CWH43: variants seen among roughly 807,000 people sequenced by gnomAD.
CWH43 encodes PGAP2-interacting protein.
In CWH43, 91 loss-of-function variants were observed where a neutral mutation model predicts 85.7. That is an observed-to-expected ratio of 1.06 (90% CI 0.90 to 1.26). The LOEUF (loss-of-function observed/expected upper bound fraction) is 1.26, where lower values mean the gene tolerates loss of function less well. CWH43 is among the 50% of genes most tolerant of loss of function. CWH43 has a pLI of 0.00. For missense variants in CWH43, 869 were observed against 839.2 expected (o/e 1.04, Z -0.44); for synonymous variants, 323 against 293.6 (o/e 1.10, Z -1.02).
chr4:49,008,489 AT>A (rs1212751889), intron 8 of CWH43, among the ~76,000 whole-genome samples: 18 of 152,028 alleles, frequency 1.2e-4, no homozygotes, highest in African/African-American at 4.3e-4. Context: ...ATTAGATCCC[AT>A]TTGTCAATTT....
chr4:49,040,599 T>C (rs1191185231), intron 13 of CWH43, among the ~76,000 whole-genome samples: 1 of 152,230 alleles, frequency 6.6e-6, no homozygotes, highest in Non-Finnish European at 1.5e-5. Flanking sequence ...TGTTTGTTTT[T>C]TTCTTGTAAA....
intron 14 of CWH43, among the ~76,000 whole-genome samples, chr4:49,047,749 T>A (rs1577708809): frequency 6.6e-6 from 1 of 152,156 alleles, no homozygotes; most frequent in Admixed American, 6.5e-5. Flanking sequence ...AGAGAACAGA[T>A]CTTGTAAGGA....
At chr4:49,058,888 A>G (rs1290667697) in intron 15 of CWH43, among the ~76,000 whole-genome samples, 1 of 152,154 alleles carries the variant, frequency 6.6e-6, no homozygotes, top group Non-Finnish European at 1.5e-5. Context: ...GTTGCCTGCA[A>G]AATTTTCTTT....
At chr4:49,040,284 T>C (rs1784416503) in intron 13 of CWH43, among the ~76,000 whole-genome samples, 1 of 152,196 alleles carries the variant, frequency 6.6e-6, no homozygotes, top group South Asian at 2.1e-4. Context: ...CTGGGTCAAA[T>C]GGTATTTCTA....
intron 13 of CWH43, among the ~76,000 whole-genome samples, chr4:49,040,875 A>T (rs1264916071): frequency 6.6e-6 from 1 of 152,186 alleles, no homozygotes; most frequent in Non-Finnish European, 1.5e-5. Context: ...TTATGGTTTT[A>T]GGTCTAACAT....
chr4:48,994,707 T>C lies in CWH43; in HGVS notation c.600T>C (p.Ala200=). The C allele has an allele frequency of 6.2e-7, 1 of 1,614,244 alleles. No homozygotes were observed. The highest frequency in any genetic ancestry group is 1.3e-5 in the African/African-American group (1 of 75,070). The change falls in exon 5 of 16, where the codon GCT becomes GCC. Residue 200 remains alanine (A), a synonymous_variant. Transcript: ENST00000226432. ...GACCCAACTGGCTGCTGGCAGGGGC[T>C]GCTTTTGGTAGCCTTGTGTTCCTCA... The part of the protein sequence containing the change: ...ASRPNWLLAG[A]AFGSLVFLTH...
At chr4:48,986,931 T>C in intron 1 of CWH43, 1 of 498,502 alleles carries the variant, frequency 2.0e-6, no homozygotes, top group Non-Finnish European at 2.6e-6. Context: ...TGCCGTGGGC[T>C]GGGCCCAGGA....
chr4:49,016,906 T>C (rs1246630550), intron 8 of CWH43: 8 of 784,720 alleles, frequency 1.0e-5, no homozygotes, highest in Non-Finnish European at 1.9e-5. Context: ...CTGCAGTCTT[T>C]GATTATGCCA....
chr4:49,017,405 G>A, intron 9 of CWH43, 77 bp downstream of exon 9: 2 of 1,061,152 alleles, frequency 1.9e-6, no homozygotes, highest in Non-Finnish European at 1.4e-6. Flanking sequence ...TTACCATTCT[G>A]ATTGAACCTG....
intron 13 of CWH43, among the ~76,000 whole-genome samples, chr4:49,043,175 A>T (rs1001269793): frequency 6.6e-6 from 1 of 152,220 alleles, no homozygotes; most frequent in Admixed American, 6.6e-5. Flanking sequence ...CTATGGAATC[A>T]TAGGGTTGTT....
At chr4:49,023,077 G>A (rs532776150) in intron 9 of CWH43, among the ~76,000 whole-genome samples, 1 of 152,142 alleles carries the variant, frequency 6.6e-6, no homozygotes, top group South Asian at 2.1e-4. Flanking sequence ...CTTGTGCTGG[G>A]TTTGGGTTTG....
chr4:48,999,951 G>A lies in CWH43; in HGVS notation c.802+1403G>A, dbSNP rs184962093. Among the ~76,000 whole-genome samples, 3 of 152,214 alleles carry A rather than the reference G, an allele frequency of 2.0e-5. No individual in the cohort carries two copies. The East Asian group carries it at 5.8e-4, about 29-fold the overall frequency. ...CCTCTCCCCTAGTCTTTGTGAAGAG[G>A]AGGGAGCATTGAACTTATTTTCCTA... On this transcript the variant is annotated intron_variant, in intron 6 of 15. Transcript: ENST00000226432.
intron 5 of CWH43, among the ~76,000 whole-genome samples, chr4:48,996,298 T>TACACACACAC (rs36210509): frequency 2.0e-5 from 3 of 149,886 alleles, no homozygotes; most frequent in African/African-American, 7.4e-5. Flanking sequence ...TATATATGTG[T>TACACACACAC]ACACACACAC....
intron 12 of CWH43, 130 bp from the exon 13 acceptor site, chr4:49,037,906 A>AGG: frequency 1.5e-6 from 1 of 688,466 alleles, no homozygotes; most frequent in Non-Finnish European, 2.5e-6. Context: ...ATGTTAAGAC[A>AGG]GTTGCCCGAG....
At chr4:49,045,015 T>C (rs1784580296) in intron 14 of CWH43, among the ~76,000 whole-genome samples, 168 bp downstream of exon 14, 1 of 152,210 alleles carries the variant, frequency 6.6e-6, no homozygotes, top group Non-Finnish European at 1.5e-5. Context: ...AACATCTTTT[T>C]CAAGGCATAG....
chr4:49,048,142 T>G (rs942453358), intron 14 of CWH43, among the ~76,000 whole-genome samples: 2 of 152,024 alleles, frequency 1.3e-5, no homozygotes, highest in Non-Finnish European at 2.9e-5. Context: ...TAGGCTGAAA[T>G]AGGTTTAATT....
Position 48,986,413 on chromosome 4 carries a change from T to A in CWH43, c.-17T>A. 6.4e-7 allele frequency: 1 copy of A among 1,550,772 alleles called. No homozygotes were observed. The highest frequency in any genetic ancestry group is 8.7e-7 in the Non-Finnish European group (1 of 1,147,062). On this transcript the variant is annotated 5_prime_UTR_variant, in exon 1 of 16. Transcript: ENST00000226432. ...CCCGCACGGCTTTCCTGGAAAGCGC[T>A]GCCCCTCGCCGCGGCGATGCCCTCG...
At chr4:49,005,654 C>G (rs189277637) in intron 7 of CWH43, among the ~76,000 whole-genome samples, 53 of 151,510 alleles carry the variant, frequency 3.5e-4, no homozygotes, top group East Asian at 1.4e-3. Context: ...TGAGCTCCCC[C>G]CTCAACCTCC....
intron 13 of CWH43, among the ~76,000 whole-genome samples, chr4:49,041,445 G>C (rs548162895): frequency 5.9e-5 from 9 of 152,200 alleles, no homozygotes; most frequent in African/African-American, 2.2e-4. Context: ...AGTTCTCCTT[G>C]AAGAGGTCCT....
Sources: allele counts gnomAD v4.1 joint callset (sites outside exome capture counted in the v4.1 genomes callset), GRCh38; gene constraint gnomAD v4.1.1; transcripts MANE v1.5; gene names NCBI Gene and HGNC (gene_info 2026-07-23, HGNC 2026-07-21).